The following ADCY3 variants were observed in gnomAD, a reference collection of about 807,000 sequenced individuals.
ADCY3 encodes adenylate cyclase 3.
ADCY3 carries 70 observed loss-of-function variants against 119.4 expected under a neutral mutation model. The ratio of observed to expected loss-of-function variants is 0.59; its 90% CI spans 0.48 to 0.72. The LOEUF (loss-of-function observed/expected upper bound fraction) is 0.72, where lower values mean the gene tolerates loss of function less well. Ranked by LOEUF, ADCY3 falls within the 30% of genes least tolerant of loss-of-function variation. The probability of loss-of-function intolerance (pLI) is 0.00; values close to 1 mark genes in which losing one functional copy is unlikely to be tolerated. For missense variants in ADCY3, 1,238 were observed against 1,541.6 expected (o/e 0.80, Z 3.30); for synonymous variants, 672 against 621.4 (o/e 1.08, Z -1.21).
intron 3 of ADCY3, among the ~76,000 whole-genome samples, chr2:24,844,349 T>C (rs959767844): frequency 6.6e-6 from 1 of 152,002 alleles, no homozygotes; most frequent in African/African-American, 2.4e-5. Context: ...CAAGAACTAG[T>C]GGCTTGGTCC....
intron 9 of ADCY3, among the ~76,000 whole-genome samples, chr2:24,836,407 C>T (rs1226770500): frequency 2.0e-5 from 3 of 152,346 alleles, no homozygotes; most frequent in Non-Finnish European, 2.9e-5. Flanking sequence ...CATCAGTGAA[C>T]GTGCTCCAGA....
intron 15 of ADCY3, among the ~76,000 whole-genome samples, chr2:24,826,878 A>G (rs956512967): frequency 6.6e-6 from 1 of 152,188 alleles, no homozygotes; most frequent in African/African-American, 2.4e-5. Flanking sequence ...GTACTAACTC[A>G]TACTCCCACC....
At chr2:24,846,274 AC>A (rs1671641523) in intron 3 of ADCY3, among the ~76,000 whole-genome samples, 1 of 152,130 alleles carries the variant, frequency 6.6e-6, no homozygotes, top group African/African-American at 2.4e-5. Context: ...AAAGCTGCAG[AC>A]CCTCAAAGCC....
At chr2:24,826,352 A>AC in intron 15 of ADCY3, 1 of 533,692 alleles carries the variant, frequency 1.9e-6, no homozygotes, top group Non-Finnish European at 3.4e-6. Context: ...TCCTGGCTGC[A>AC]CCTGGTATTC....
At position 24,823,350 on chromosome 2, in the gene ADCY3, C is replaced by T. The variant is rs1668066333; in HGVS notation, c.2742G>A (p.Leu914=). ...CAATCTCATCATACGTCTGGCTATACAGCTCCTAAAAAGAGGTGCGGACAA... is the reference window on the plus strand; with the variant it reads ...CAATCTCATCATACGTCTGGCTATATAGCTCCTAAAAAGAGGTGCGGACAA... ...FLGSKKRDEE[L]YSQTYDEIGV... The change falls in exon 18 of 22, where the codon CTG becomes CTA. Residue 914 remains leucine (L), a synonymous_variant. Transcript: ENST00000679454. The T allele has an allele frequency of 1.9e-6, 3 of 1,611,822 alleles. No individual in the cohort carries two copies. Among genetic ancestry groups the T allele is most frequent in the Non-Finnish European group, 2.5e-6 (3 of 1,179,396 alleles).
intron 2 of ADCY3, among the ~76,000 whole-genome samples, chr2:24,904,734 T>A (rs2149013816): frequency 6.6e-6 from 1 of 151,586 alleles, no homozygotes; most frequent in East Asian, 2.0e-4. Flanking sequence ...CTCTGCCTCC[T>A]GGGTTCAAGC....
intron 2 of ADCY3, among the ~76,000 whole-genome samples, chr2:24,873,828 C>T (rs958821244): frequency 6.6e-6 from 1 of 152,304 alleles, no homozygotes; most frequent in East Asian, 1.9e-4. Flanking sequence ...CCTGGATCCC[C>T]GACGCCTCGC....
At chr2:24,828,886 C>G (rs1191971793) in intron 13 of ADCY3, among the ~76,000 whole-genome samples, 2 of 152,232 alleles carry the variant, frequency 1.3e-5, no homozygotes, top group African/African-American at 4.8e-5. Context: ...CACCTGGGTG[C>G]CAGGTTCCAG....
intron 8 of ADCY3, 101 bp from the exon 9 acceptor site, chr2:24,837,146 G>T: frequency 7.6e-7 from 1 of 1,318,344 alleles, no homozygotes; most frequent in Non-Finnish European, 1.0e-6. Context: ...GGATTAGAGA[G>T]CAATCTGAGG....
chr2:24,909,030 C>T (rs1043019738), intron 2 of ADCY3, among the ~76,000 whole-genome samples: 4 of 152,232 alleles, frequency 2.6e-5, no homozygotes, highest in African/African-American at 7.2e-5. Context: ...ATTCTCAAAT[C>T]TGCAACTCTA....
At chr2:24,853,038 G>A (rs1464680888) in intron 3 of ADCY3, among the ~76,000 whole-genome samples, 4 of 140,884 alleles carry the variant, frequency 2.8e-5, no homozygotes, top group South Asian at 2.3e-4. Flanking sequence ...GTGTGTGTGT[G>A]TGTGTGTGTG....
chr2:24,827,448 C>G, intron 15 of ADCY3, 98 bp downstream of exon 15: 1 of 1,379,876 alleles, frequency 7.2e-7, no homozygotes, highest in Non-Finnish European at 1.0e-6. Flanking sequence ...TCACGTGCCT[C>G]CCGGGAGGGT....
chr2:24,918,830 A>G lies in ADCY3; in HGVS notation c.158T>C (p.Met53Thr), dbSNP rs758491481. 3.1e-6 allele frequency: 5 copies of G among 1,613,722 alleles called. No individual in the cohort carries two copies. Among genetic ancestry groups the G allele is most frequent in the South Asian group, 1.1e-5 (1 of 91,084 alleles). Residue 53 changes from methionine to threonine, a missense_variant, in exon 2 of 22, where the codon ATG becomes ACG. Transcript: ENST00000679454. This position sits in a 1 kb window ranked among gnomAD's most constrained non-coding sequence, Gnocchi z 5.4. ...SGSCLCLPRF[M>T]RLTFVPESLE... ...GGACTCCGGCACGAAAGTCAGCCGC[A>G]TGAAGCGAGGCAGGCACAGGCAGGA...
chr2:24,906,109 C>A (rs184140979), intron 2 of ADCY3, among the ~76,000 whole-genome samples: 1 of 152,074 alleles, frequency 6.6e-6, no homozygotes, highest in East Asian at 1.9e-4. Flanking sequence ...GAGATCGAGA[C>A]CAGCCTGGCC....
At chr2:24,876,631 T>C (rs1471349519) in intron 2 of ADCY3, among the ~76,000 whole-genome samples, 1 of 152,108 alleles carries the variant, frequency 6.6e-6, no homozygotes, top group East Asian at 1.9e-4. Flanking sequence ...TGGCGTGACA[T>C]CGTCCCTGTC....
At chr2:24,840,404 C>A in intron 6 of ADCY3, 1 of 391,608 alleles carries the variant, frequency 2.6e-6, no homozygotes, top group Non-Finnish European at 5.2e-6. Context: ...TAGCCGTGAA[C>A]AGCCCCCTGC....
At chr2:24,833,177 C>CA (rs1177781088) in intron 11 of ADCY3, among the ~76,000 whole-genome samples, 1 of 152,248 alleles carries the variant, frequency 6.6e-6, no homozygotes, top group Non-Finnish European at 1.5e-5. Context: ...TATGTCACAA[C>CA]AGGGGACTCC....
At position 24,826,028 on chromosome 2, in the gene ADCY3, G is replaced by T. The variant is rs1489622186; in HGVS notation, c.2577+17C>A. Reference sequence around the variant, plus strand: ...GGGCTGTGGGCACAGAGCGGGGATCGTGCAGGCGGCACTCACGTGGCGGGA... The same window carrying T: ...GGGCTGTGGGCACAGAGCGGGGATCTTGCAGGCGGCACTCACGTGGCGGGA... On this transcript the variant is annotated intron_variant, in intron 16 of 21. Transcript: ENST00000679454. 6.2e-7 allele frequency: 1 copy of T among 1,612,690 alleles called. No homozygotes were observed. The highest frequency in any genetic ancestry group is 1.1e-5 in the South Asian group (1 of 91,012).
In ADCY3 at chr2:24,840,886, G is replaced by A. The variant is rs545524349; in HGVS notation, c.1196+373C>T. 1.6e-4 allele frequency among the ~76,000 whole-genome samples: 25 copies of A among 152,342 alleles called. No individual in the cohort carries two copies. In the East Asian group the frequency reaches 3.5e-3, roughly 21 times the overall value. ...ACGAGATGGAGAGGGCAGTGCCTTC[G>A]GGGGTCACGGTGAGAAAACACTGAG... On this transcript the variant is annotated intron_variant, in intron 6 of 21. Coordinates refer to ENST00000679454, the MANE Select transcript of ADCY3 (RefSeq NM_004036.5).
Sources: gnomAD v4.1 joint callset for allele counts (sites outside exome capture counted in the v4.1 genomes callset) on GRCh38, gnomAD v4.1.1 for gene constraint, Gnocchi (gnomAD v3.1) non-coding constraint, MANE v1.5 for transcripts, NCBI Gene and HGNC (gene_info 2026-07-23, HGNC 2026-07-21) for gene names.